The following ZNF280B variants were observed in gnomAD, a reference collection of about 807,000 sequenced individuals.
The protein encoded by ZNF280B is suppressor of hairy wing homolog 2.
ZNF280B carries 16 observed loss-of-function variants against 38.0 expected under a neutral mutation model. That is an observed-to-expected ratio of 0.42 (90% CI 0.28 to 0.64). The LOEUF (loss-of-function observed/expected upper bound fraction) is 0.64. Ranked by LOEUF, ZNF280B falls within the 30% of genes least tolerant of loss-of-function variation. The pLI is 0.21. For synonymous variants in ZNF280B, 253 were observed against 230.6 expected (o/e 1.10, Z -0.88); for missense variants, 581 against 639.6 (o/e 0.91, Z 0.99).
intron 2 of ZNF280B, among the ~76,000 whole-genome samples, chr22:22,496,675 G>T (rs573840937): frequency 6.6e-6 from 1 of 151,834 alleles, no homozygotes; most frequent in East Asian, 2.0e-4. Flanking sequence ...GTGGGGTGAA[G>T]AAAGTGATAG....
At position 22,500,963 on chromosome 22, in the gene ZNF280B, T is replaced by C. The variant is rs140231500; in HGVS notation, c.-186-6783A>G. ...TGAATCTGGGAGGCAGAAGTTGCAG[T>C]GAGTGGAGATCGCACCACTGCACTC... is the stretch of plus-strand genomic sequence containing the variant. On this transcript the variant is annotated intron_variant, in intron 2 of 3. Coordinates refer to ENST00000626650, the MANE Select transcript of ZNF280B (RefSeq NM_080764.4). Among the ~76,000 whole-genome samples the C allele has an allele frequency of 3.6e-3, 484 of 135,418 alleles. 3 individuals are homozygous for C. The highest frequency in any genetic ancestry group is 0.013 in the African/African-American group (473 of 36,000). 88.8% of individuals were successfully genotyped at this position (135,418 alleles called of 152,430 possible).
intron 2 of ZNF280B, among the ~76,000 whole-genome samples, chr22:22,502,926 A>G (rs73879605): frequency 0.043 from 6,514 of 152,008 alleles, 344 homozygotes; most frequent in African/African-American, 0.12. Context: ...TGCCACCACA[A>G]ATGTCCTTGT....
intron 3 of ZNF280B, among the ~76,000 whole-genome samples, chr22:22,493,244 T>C (rs2061632779): frequency 6.6e-6 from 1 of 151,908 alleles, no homozygotes; most frequent in Non-Finnish European, 1.5e-5. Flanking sequence ...CCTGACCTCA[T>C]GGTCTGCCTG....
At position 22,488,228 on chromosome 22, in the gene ZNF280B, G is replaced by A; in HGVS notation, c.1171C>T (p.His391Tyr). Residue 391 changes from histidine (H) to tyrosine (Y), a missense_variant, in exon 4 of 4, where the codon CAC becomes TAC. Transcript: ENST00000626650. Reference sequence around the variant, plus strand: ...CCAGGCTTATGATGGTCCTTCATGTGTTGTAAGAGGACCTGATCTGTTTCA... The same window carrying A: ...CCAGGCTTATGATGGTCCTTCATGTATTGTAAGAGGACCTGATCTGTTTCA... ...SFETDQVLLQ[H>Y]MKDHHKPGEM... 6.2e-7 allele frequency: 1 copy of A among 1,613,894 alleles called. No individual in the cohort carries two copies. The highest frequency in any genetic ancestry group is 8.5e-7 in the Non-Finnish European group (1 of 1,179,982).
At chr22:22,491,457 CTTTTTTTTT>C (rs55720546) in intron 3 of ZNF280B, among the ~76,000 whole-genome samples, 4 of 113,962 alleles carry the variant, frequency 3.5e-5, no homozygotes, top group South Asian at 2.7e-4. Context: ...TGTCTTTTTT[CTTTTTTTTT>C]TTTTTTTTTT....
intron 2 of ZNF280B, among the ~76,000 whole-genome samples, chr22:22,500,497 C>A (rs993439557): frequency 6.6e-6 from 1 of 151,784 alleles, no homozygotes; most frequent in African/African-American, 2.4e-5. Context: ...CACAAAAAGA[C>A]AAATACTTTT....
chr22:22,489,751 A>G (rs1182993082), intron 3 of ZNF280B, among the ~76,000 whole-genome samples: 1 of 151,870 alleles, frequency 6.6e-6, no homozygotes, highest in Non-Finnish European at 1.5e-5. Flanking sequence ...TTATGAGGGC[A>G]TCATTGTGCA....
chr22:22,497,447 A>G (rs368729509), intron 2 of ZNF280B, among the ~76,000 whole-genome samples: 2 of 151,554 alleles, frequency 1.3e-5, no homozygotes, highest in African/African-American at 4.8e-5. Flanking sequence ...AAGAGAATCA[A>G]TTGAACCCGG....
In ZNF280B at chr22:22,487,596, C is replaced by T; in HGVS notation, c.*171G>A. The T allele has an allele frequency of 1.8e-6, 1 of 548,714 alleles. No homozygotes were observed. The highest frequency in any genetic ancestry group is 1.9e-5 in the African/African-American group (1 of 51,476). The allele number at this position is 548,714 out of a possible 1,614,324, so 34.0% of individuals were successfully genotyped here. Reference sequence around the variant, plus strand: ...AACCAGATGTTTTAAAATAATACCTCAAAATTCAGATCAAATAATATATAT... The same window carrying T: ...AACCAGATGTTTTAAAATAATACCTTAAAATTCAGATCAAATAATATATAT... On this transcript the variant is annotated 3_prime_UTR_variant, in exon 4 of 4. Coordinates refer to ENST00000626650, the MANE Select transcript of ZNF280B (RefSeq NM_080764.4).
intron 2 of ZNF280B, among the ~76,000 whole-genome samples, chr22:22,500,337 G>A (rs1211992543): frequency 2.0e-5 from 3 of 151,224 alleles, no homozygotes; most frequent in Non-Finnish European, 2.9e-5. Context: ...CAACCCAAAT[G>A]TCTACCCAAA....
At chr22:22,491,208 A>T (rs914730155) in intron 3 of ZNF280B, among the ~76,000 whole-genome samples, 8 of 151,858 alleles carry the variant, frequency 5.3e-5, no homozygotes, top group African/African-American at 1.7e-4. Flanking sequence ...TTATTTTTAA[A>T]GAAGATTATG....
At position 22,487,865 on chromosome 22, in the gene ZNF280B, G is replaced by A. The variant is rs746655246; in HGVS notation, c.1534C>T (p.Pro512Ser). Residue 512 changes from proline (P) to serine (S), a missense_variant, in exon 4 of 4, where the codon CCA (proline) becomes TCA (serine). Pro to Ser is a moderately conservative substitution (Grantham distance 74). Transcript: ENST00000626650. ...ATGGATGCTACATCCACTGATCCTG[G>A]CTGAAGAGGTTCCAGCGACACTTGA... ...TIQVSLEPLQ[P>S]GSVDVASITV... The A allele has an allele frequency of 3.7e-5, 60 of 1,613,718 alleles. No homozygotes were observed. Among genetic ancestry groups the A allele is most frequent in the Non-Finnish European group, 5.1e-5 (60 of 1,179,946 alleles).
chr22:22,504,324 T>G (rs1465260948), intron 2 of ZNF280B, among the ~76,000 whole-genome samples: 1 of 151,052 alleles, frequency 6.6e-6, no homozygotes, highest in Non-Finnish European at 1.5e-5. Flanking sequence ...TCCCAGCTAC[T>G]CAGGAGGCAG....
rs895867927 is a variant in ZNF280B at position 22,485,547 on chromosome 22, T to A, written c.*2220A>T. 1 of 151,932 alleles carries A rather than the reference T, an allele frequency of 6.6e-6. No homozygotes were observed. 9.4% of individuals were successfully genotyped at this position (151,932 alleles called of 1,614,324 possible). A position where few individuals can be genotyped will look rare whatever the true frequency, so the allele number is the denominator to read the frequency against. On this transcript the variant is annotated 3_prime_UTR_variant, in exon 4 of 4. Transcript: ENST00000626650. ...CGGCAAATAAATACAACAGAATCTATGGATCTAGAGTCAGAAAATTTTCTA... is the reference window on the plus strand; with the variant it reads ...CGGCAAATAAATACAACAGAATCTAAGGATCTAGAGTCAGAAAATTTTCTA...
rs993764809 is a variant in ZNF280B, at chr22:22,487,561, T to G, written c.*206A>C. 2.9e-5 allele frequency: 14 copies of G among 477,482 alleles called. No individual in the cohort carries two copies. Among genetic ancestry groups the G allele is most frequent in the Non-Finnish European group, 4.4e-5 (12 of 275,862 alleles). The allele number at this position is 477,482 out of a possible 1,614,324, so 29.6% of individuals were successfully genotyped here. A position where few individuals can be genotyped will look rare whatever the true frequency, so the allele number is the denominator to read the frequency against. On this transcript the variant is annotated 3_prime_UTR_variant, in exon 4 of 4. Transcript: ENST00000626650. ...CTTTTATGTGTTAAGCCAGATACAG[T>G]TAACATGAAAACCAGATGTTTTAAA...
At chr22:22,495,181 T>C (rs1186278248) in intron 2 of ZNF280B, among the ~76,000 whole-genome samples, 2 of 151,994 alleles carry the variant, frequency 1.3e-5, no homozygotes, top group Non-Finnish European at 2.9e-5. Context: ...ACATTTCCTC[T>C]AACAGTACAC....
chr22:22,495,558 A>G lies in ZNF280B; in HGVS notation c.-186-1378T>C, dbSNP rs150357404. On this transcript the variant is annotated intron_variant, in intron 2 of 3. Transcript: ENST00000626650. Reference sequence around the variant, plus strand: ...GAGCAGGCTTAGAAGTTGAGGAGGTATAAGAGAATTGTAATTTTACGTAGT... The same window carrying G: ...GAGCAGGCTTAGAAGTTGAGGAGGTGTAAGAGAATTGTAATTTTACGTAGT... Among the ~76,000 whole-genome samples the G allele has an allele frequency of 1.6e-3, 248 of 152,096 alleles. 2 individuals carry two copies. Among genetic ancestry groups the G allele is most frequent in the African/African-American group, 5.8e-3 (242 of 41,522 alleles).
Position 22,487,756 on chromosome 22 carries a change from TGAAACTA to T in ZNF280B, c.*4_*10del. 1 of 1,557,064 alleles carries T rather than the reference TGAAACTA, an allele frequency of 6.4e-7. No individual in the cohort carries two copies. Among genetic ancestry groups the T allele is most frequent in the Non-Finnish European group, 8.6e-7 (1 of 1,156,916 alleles). On this transcript the variant is annotated 3_prime_UTR_variant, in exon 4 of 4. Transcript: ENST00000626650. ...TTTGAAATACTTGCTTTAGATTTAC[TGAAACTA>T]GAATTAATGGGACTTTTTTGAAATT...
In ZNF280B at chr22:22,499,819, G is replaced by A. The variant is rs1237010846; in HGVS notation, c.-186-5639C>T. Among the ~76,000 whole-genome samples the A allele has an allele frequency of 2.6e-5, 4 of 151,840 alleles. No homozygotes were observed. The East Asian group carries it at 5.9e-4, about 22-fold the overall frequency. ...ACTTTAACCACTTCAACTCAACACC[G>A]TACTAGAGGTTCTATAGCCAAGGTA... On this transcript the variant is annotated intron_variant, in intron 2 of 3. Coordinates refer to ENST00000626650, the MANE Select transcript of ZNF280B (RefSeq NM_080764.4).
Sources: gnomAD v4.1 joint callset for allele counts (sites outside exome capture counted in the v4.1 genomes callset) on GRCh38, gnomAD v4.1.1 for gene constraint, MANE v1.5 for transcripts, NCBI Gene and HGNC (gene_info 2026-07-23, HGNC 2026-07-21) for gene names.